The following ZNF234 variants were observed in gnomAD, a reference collection of about 807,000 sequenced individuals.
The protein encoded by ZNF234 is C2-H2 type zinc finger protein.
Under a neutral mutation model 10.3 loss-of-function variants are expected in ZNF234, and 4 were observed. The ratio of observed to expected loss-of-function variants is 0.39; its 90% CI spans 0.19 to 0.89. ZNF234 has a LOEUF of 0.89. ZNF234 is among the 40% of genes least tolerant of loss of function. The pLI, the probability that ZNF234 is intolerant of heterozygous loss-of-function variation, is 0.38. For missense variants in ZNF234, 711 were observed against 836.1 expected, an observed-to-expected ratio of 0.85 and a Z score of 1.85; for synonymous variants, 258 against 280.1, an observed-to-expected ratio of 0.92 and a Z score of 0.79.
At chr19:44,152,697 C>A (rs183448959) in intron 5 of ZNF234, among the ~76,000 whole-genome samples, 10 of 152,134 alleles carry the variant, frequency 6.6e-5, no homozygotes, top group Non-Finnish European at 1.2e-4. Context: ...TAGCTCCCCC[C>A]ACAAGAAGAT....
chr19:44,149,472 G>A lies in ZNF234; in HGVS notation c.142+575G>A, dbSNP rs142812294. Among the ~76,000 whole-genome samples the A allele has an allele frequency of 5.3e-5, 8 of 152,158 alleles. No individual in the cohort carries two copies. In the East Asian group the frequency reaches 1.5e-3, roughly 29 times the overall value. Reference sequence around the variant, plus strand: ...AAAAAAAAAGACATTGGTTAGAAATGTAATTTTAGTAATGCACCAAGATGT... The same window carrying A: ...AAAAAAAAAGACATTGGTTAGAAATATAATTTTAGTAATGCACCAAGATGT... On this transcript the variant is annotated intron_variant, in intron 4 of 5. Coordinates refer to ENST00000426739, the MANE Select transcript of ZNF234 (RefSeq NM_006630.3).
At position 44,157,741 on chromosome 19, in the gene ZNF234, G is replaced by A; in HGVS notation, c.1725G>A (p.Lys575=). 2 of 1,614,036 alleles carry A rather than the reference G, an allele frequency of 1.2e-6. No homozygotes were observed. Among genetic ancestry groups the A allele is most frequent in the Non-Finnish European group, 1.7e-6 (2 of 1,179,962 alleles). ...EKPYKCGECG[K]GFKWSLNLDM... ...CATACAAATGTGGGGAGTGTGGAAA[G>A]GGCTTCAAGTGGAGCTTGAACCTTG... The change falls in exon 6 of 6, where the codon AAG becomes AAA. Residue 575 remains lysine (K), a synonymous_variant. Coordinates refer to ENST00000426739, the MANE Select transcript of ZNF234 (RefSeq NM_006630.3).
intron 2 of ZNF234, among the ~76,000 whole-genome samples, chr19:44,144,086 A>G (rs569809768): frequency 1.3e-5 from 2 of 152,238 alleles, no homozygotes; most frequent in South Asian, 4.2e-4. Context: ...AACTTTGCTG[A>G]GTGTAGTAAT....
At chr19:44,149,038 T>A in intron 4 of ZNF234, 141 bp downstream of exon 4, 4 of 1,001,908 alleles carry the variant, frequency 4.0e-6, no homozygotes, top group Non-Finnish European at 5.8e-6. Flanking sequence ...TTTAGTGAAA[T>A]AAAATGAGAT....
chr19:44,149,814 A>G (rs1022409172), intron 4 of ZNF234: 11 of 152,140 alleles, frequency 7.2e-5, no homozygotes, highest in African/African-American at 2.2e-4. Flanking sequence ...CCGGACTTAC[A>G]GTTTGAAAAA....
intron 3 of ZNF234, among the ~76,000 whole-genome samples, chr19:44,145,384 T>C (rs1401167449): frequency 1.3e-5 from 2 of 152,234 alleles, no homozygotes; most frequent in Non-Finnish European, 2.9e-5. Flanking sequence ...TTTATTGTTT[T>C]ACATAACACT....
chr19:44,153,577 A>G (rs947825023), intron 5 of ZNF234, among the ~76,000 whole-genome samples: 2 of 152,106 alleles, frequency 1.3e-5, no homozygotes, highest in African/African-American at 4.8e-5. Flanking sequence ...TGAAAGGCCC[A>G]ACTTACCTAC....
intron 5 of ZNF234, among the ~76,000 whole-genome samples, chr19:44,150,908 C>T (rs576820125): frequency 1.3e-5 from 2 of 152,030 alleles, no homozygotes; most frequent in Admixed American, 1.3e-4. Flanking sequence ...GTGGCCAGCG[C>T]CTGTAGTCCC....
At chr19:44,143,885 A>G (rs1476897702) in intron 2 of ZNF234, among the ~76,000 whole-genome samples, 6 of 152,244 alleles carry the variant, frequency 3.9e-5, no homozygotes, top group Middle Eastern at 3.2e-3. Context: ...TACTGTAAAG[A>G]CCAGCATCCC....
At position 44,148,905 on chromosome 19, in the gene ZNF234, C is replaced by T. The variant is rs753048194; in HGVS notation, c.142+8C>T. ...GGAACCTGCTGTCAGTGGGTGAGGA[C>T]ATGAGCTTTCTAACACTCAATGTCA... On this transcript the variant is annotated splice_region_variant and intron_variant, in intron 4 of 5. Coordinates refer to ENST00000426739, the MANE Select transcript of ZNF234 (RefSeq NM_006630.3). The T allele has an allele frequency of 6.2e-7, 1 of 1,611,250 alleles. No homozygotes were observed. Among genetic ancestry groups the T allele is most frequent in the South Asian group, 1.1e-5 (1 of 90,762 alleles).
chr19:44,145,074 C>G (rs796091630), intron 3 of ZNF234, among the ~76,000 whole-genome samples: 3 of 152,216 alleles, frequency 2.0e-5, no homozygotes, highest in African/African-American at 7.2e-5. Flanking sequence ...AACCAATTCC[C>G]CAAGCGTATT....
Position 44,156,428 on chromosome 19 carries a change from C to G in ZNF234, c.412C>G (p.Leu138Val). Residue 138 changes from leucine to valine, a missense_variant, in exon 6 of 6, where the codon CTA (leucine) becomes GTA (valine). Leu to Val is a conservative substitution (Grantham distance 32, BLOSUM62 1). Coordinates refer to ENST00000426739, the MANE Select transcript of ZNF234 (RefSeq NM_006630.3). ...TTTGTCCTGCCAGGTTAGGGCAGGA[C>G]TATATACAACTCACACAGGACAGAA... Reference protein sequence around the residue: ...GDLSCQVRAGLYTTHTGQKFY... With the variant: ...GDLSCQVRAGVYTTHTGQKFY... 1 of 1,613,490 alleles carries G rather than the reference C, an allele frequency of 6.2e-7. No individual in the cohort carries two copies. The highest frequency in any genetic ancestry group is 2.2e-5 in the East Asian group (1 of 44,888).
Position 44,159,627 on chromosome 19 carries a change from A to G in ZNF234, c.*1508A>G, listed in dbSNP as rs746817667. ...CTAACACTTTTAAAGTGTCAGAAGT[A>G]GTTGCCAATGCCAAATTTTTATCAG... On this transcript the variant is annotated 3_prime_UTR_variant, in exon 6 of 6. Transcript: ENST00000426739. The G allele has an allele frequency of 2.1e-6, 1 of 474,606 alleles. No homozygotes were observed. The highest frequency in any genetic ancestry group is 1.5e-5 in the South Asian group (1 of 66,950). The allele number at this position is 474,606 out of a possible 1,614,324, so 29.4% of individuals were successfully genotyped here. A position where few individuals can be genotyped will look rare whatever the true frequency, so the allele number is the denominator to read the frequency against.
intron 5 of ZNF234, among the ~76,000 whole-genome samples, chr19:44,155,428 A>G (rs949491901): frequency 3.3e-5 from 5 of 152,220 alleles, no homozygotes; most frequent in African/African-American, 1.2e-4. Flanking sequence ...GTTATAATGT[A>G]TTGTATACTA....
chr19:44,145,134 A>G (rs538693381), intron 3 of ZNF234, among the ~76,000 whole-genome samples: 1 of 152,270 alleles, frequency 6.6e-6, no homozygotes, highest in African/African-American at 2.4e-5. Flanking sequence ...GTGTGAATGA[A>G]CAGTTCTCCT....
intron 5 of ZNF234, 48 bp downstream of exon 5, chr19:44,150,553 T>C (rs1735216515): frequency 6.9e-7 from 1 of 1,457,100 alleles, no homozygotes; most frequent in African/African-American, 1.4e-5. Context: ...GTCCATCTGT[T>C]GTACTTCTCT....
chr19:44,156,177 A>G (rs1004499994), intron 5 of ZNF234, 75 bp from the exon 6 acceptor site: 2 of 1,368,718 alleles, frequency 1.5e-6, no homozygotes, highest in Non-Finnish European at 2.0e-6. Context: ...TTAAAATCGC[A>G]TGCTCTCGCC....
At chr19:44,142,575 A>C (rs762918660) in intron 2 of ZNF234, among the ~76,000 whole-genome samples, 2 of 152,202 alleles carry the variant, frequency 1.3e-5, no homozygotes, top group African/African-American at 2.4e-5. Context: ...GTTGGAACCT[A>C]GGCATTCAGG....
rs770086304 is a variant in ZNF234 at position 44,157,665 on chromosome 19, G to A, written c.1649G>A (p.Ser550Asn). 1 of 1,613,968 alleles carries A rather than the reference G, an allele frequency of 6.2e-7. No homozygotes were observed. Among genetic ancestry groups the A allele is most frequent in the Non-Finnish European group, 8.5e-7 (1 of 1,179,992 alleles). ...FKCEECGKSF[S>N]RSAHLQAHQK... ...TGTGAAGAGTGTGGGAAGAGCTTCAGTCGGAGTGCACACCTTCAAGCCCAT... is the reference window on the plus strand; with the variant it reads ...TGTGAAGAGTGTGGGAAGAGCTTCAATCGGAGTGCACACCTTCAAGCCCAT... Residue 550 changes from serine (S) to asparagine (N), a missense_variant, in exon 6 of 6, where the codon AGT becomes AAT. Ser to Asn is a conservative substitution (Grantham distance 46). Coordinates refer to ENST00000426739, the MANE Select transcript of ZNF234 (RefSeq NM_006630.3).
Sources: allele counts gnomAD v4.1 joint callset (sites outside exome capture counted in the v4.1 genomes callset), GRCh38; gene constraint gnomAD v4.1.1; transcripts MANE v1.5; gene names NCBI Gene and HGNC (gene_info 2026-07-23, HGNC 2026-07-21).